SLAMF7: variants seen among roughly 807,000 people sequenced by gnomAD.
The protein encoded by SLAMF7 is SLAM family member 7.
A neutral mutation model predicts 34.1 loss-of-function variants in SLAMF7; 26 were observed. The observed-to-expected ratio is 0.76, with a 90% CI of 0.56 to 1.06. SLAMF7 has a LOEUF of 1.06. Among genes scored for constraint, SLAMF7 ranks in the 50% least tolerant of loss-of-function variants. The pLI, the probability that SLAMF7 is intolerant of heterozygous loss-of-function variation, is 0.00. For missense variants in SLAMF7, 399 were observed against 402.5 expected, an observed-to-expected ratio of 0.99 and a Z score of 0.07; for synonymous variants, 171 against 156.4, an observed-to-expected ratio of 1.09 and a Z score of -0.70.
intron 1 of SLAMF7, among the ~76,000 whole-genome samples, chr1:160,746,242 A>T (rs902662023): frequency 1.3e-5 from 2 of 152,234 alleles, no homozygotes; most frequent in Non-Finnish European, 2.9e-5. Flanking sequence ...TCCAGCCCGG[A>T]TCACATTCAT....
In SLAMF7 at chr1:160,753,305, C is replaced by A; in HGVS notation, c.*128C>A. 1.3e-6 allele frequency: 1 copy of A among 770,468 alleles called. No homozygotes were observed. The highest frequency in any genetic ancestry group is 2.1e-6 in the Non-Finnish European group (1 of 476,336). 47.7% of individuals were successfully genotyped at this position (770,468 alleles called of 1,614,324 possible). A position where few individuals can be genotyped will look rare whatever the true frequency, so the allele number is the denominator to read the frequency against. ...AGAATGAAGAACGTTGACTTTTTTC[C>A]AGGATAAATTATCTCTGATGCTTCT... On this transcript the variant is annotated 3_prime_UTR_variant, in exon 7 of 7. Transcript: ENST00000368043.
Position 160,739,338 on chromosome 1 carries a change from A to G in SLAMF7, c.37A>G (p.Ile13Val), listed in dbSNP as rs369009453. Residue 13 changes from isoleucine (I) to valine (V), a missense_variant, in exon 1 of 7, where the codon ATC becomes GTC. By Grantham distance (29) the Ile-to-Val change is conservative (BLOSUM62 3). Coordinates refer to ENST00000368043, the MANE Select transcript of SLAMF7 (RefSeq NM_021181.5). Reference sequence around the variant, plus strand: ...CCCAACATGCCTCACCCTCATCTATATCCTTTGGCAGCTCACAGGTGAGTC... The same window carrying G: ...CCCAACATGCCTCACCCTCATCTATGTCCTTTGGCAGCTCACAGGTGAGTC... ...GSPTCLTLIY[I>V]LWQLTGSAAS... 1.2e-4 allele frequency: 194 copies of G among 1,613,578 alleles called. No individual in the cohort carries two copies. Among genetic ancestry groups the G allele is most frequent in the Non-Finnish European group, 1.6e-4 (190 of 1,179,786 alleles).
At chr1:160,751,177 A>G (rs1233611349) in intron 4 of SLAMF7, 168 bp from the exon 5 acceptor site, 4 of 604,870 alleles carry the variant, frequency 6.6e-6, no homozygotes, top group Non-Finnish European at 1.2e-5. Flanking sequence ...ATTTGTTTAG[A>G]TTTTCCCAGT....
chr1:160,742,079 C>T (rs529223885), intron 1 of SLAMF7, among the ~76,000 whole-genome samples: 2 of 152,248 alleles, frequency 1.3e-5, no homozygotes, highest in Admixed American at 1.3e-4. Context: ...CCTGCTTTAT[C>T]ACCATCCCTT....
At position 160,748,836 on chromosome 1, in the gene SLAMF7, A is replaced by G. The variant is rs565794235; in HGVS notation, c.376+322A>G. On this transcript the variant is annotated intron_variant, in intron 2 of 6. Transcript: ENST00000368043. ...TTCAAGTCTTAGTTTCCATATCTGT[A>G]GTGGGGAGGAAAGAAATGCCTACCT... Among the ~76,000 whole-genome samples the G allele has an allele frequency of 7.3e-4, 111 of 152,296 alleles. 1 individual carries two copies. Among genetic ancestry groups the G allele is most frequent in the African/African-American group, 2.6e-3 (107 of 41,558 alleles).
intron 6 of SLAMF7, among the ~76,000 whole-genome samples, 193 bp downstream of exon 6, chr1:160,752,441 C>T (rs908775299): frequency 3.3e-5 from 5 of 152,070 alleles, no homozygotes; most frequent in Admixed American, 6.6e-5. Flanking sequence ...TTTTAGGAAT[C>T]GAATTGGGTA....
At chr1:160,750,136 C>T (rs200378079) in intron 3 of SLAMF7, 43 bp downstream of exon 3, 85 of 1,597,636 alleles carry the variant, frequency 5.3e-5, no homozygotes, top group Non-Finnish European at 4.5e-5. Context: ...TGCCCAGGTC[C>T]TACACCTTCT....
At position 160,739,318 on chromosome 1, in the gene SLAMF7, C is replaced by T. The variant is rs780656572; in HGVS notation, c.17C>T (p.Thr6Ile). 119 of 1,613,872 alleles carry T rather than the reference C, an allele frequency of 7.4e-5. No homozygotes were observed. Among genetic ancestry groups the T allele is most frequent in the Non-Finnish European group, 9.7e-5 (115 of 1,179,908 alleles). MAGSP[T>I]CLTLIYILWQ... ...GAGAGCAATATGGCTGGTTCCCCAACATGCCTCACCCTCATCTATATCCTT... is the reference window on the plus strand; with the variant it reads ...GAGAGCAATATGGCTGGTTCCCCAATATGCCTCACCCTCATCTATATCCTT... The change falls in exon 1 of 7, where the codon ACA (threonine) becomes ATA (isoleucine). Residue 6 changes from threonine to isoleucine, a missense_variant. By Grantham distance (89) the Thr-to-Ile change is moderately conservative (BLOSUM62 -1). Coordinates refer to ENST00000368043, the MANE Select transcript of SLAMF7 (RefSeq NM_021181.5).
chr1:160,741,274 C>CA (rs1663722883), intron 1 of SLAMF7, among the ~76,000 whole-genome samples: 1 of 151,920 alleles, frequency 6.6e-6, no homozygotes, highest in Non-Finnish European at 1.5e-5. Flanking sequence ...AAAAAGAAAA[C>CA]AAAAAAGTGG....
chr1:160,744,210 C>G (rs1663962091), intron 1 of SLAMF7, among the ~76,000 whole-genome samples: 1 of 152,122 alleles, frequency 6.6e-6, no homozygotes, highest in Non-Finnish European at 1.5e-5. Flanking sequence ...GGTGCAAAAC[C>G]ATCACAGAAA....
chr1:160,749,803 T>G lies in SLAMF7; in HGVS notation c.377-18T>G. On this transcript the variant is annotated intron_variant, in intron 2 of 6. Coordinates refer to ENST00000368043, the MANE Select transcript of SLAMF7 (RefSeq NM_021181.5). ...CTATAGGCAGAGTTTCCACCTCTGG[T>G]TTTCCTTCCTCTCACAGAGCACCTG... 1 of 1,553,050 alleles carries G rather than the reference T, an allele frequency of 6.4e-7. No homozygotes were observed. Among genetic ancestry groups the G allele is most frequent in the Non-Finnish European group, 8.7e-7 (1 of 1,149,486 alleles).
chr1:160,744,370 T>C (rs1663973218), intron 1 of SLAMF7, among the ~76,000 whole-genome samples: 1 of 152,102 alleles, frequency 6.6e-6, no homozygotes, highest in African/African-American at 2.4e-5. Context: ...GAGAATGGCA[T>C]GGAGCTACTG....
At chr1:160,740,693 G>A (rs527563083) in intron 1 of SLAMF7, among the ~76,000 whole-genome samples, 1 of 152,188 alleles carries the variant, frequency 6.6e-6, no homozygotes, top group Non-Finnish European at 1.5e-5. Flanking sequence ...CAGAATTATT[G>A]TGACATTTTA....
chr1:160,752,139 C>T (rs777612391), intron 5 of SLAMF7, 47 bp from the exon 6 acceptor site: 2 of 1,469,042 alleles, frequency 1.4e-6, no homozygotes, highest in Non-Finnish European at 1.9e-6. Flanking sequence ...CTATGTGATT[C>T]AGGAGGTGGG....
At chr1:160,746,509 A>G (rs1441688802) in intron 1 of SLAMF7, among the ~76,000 whole-genome samples, 1 of 152,228 alleles carries the variant, frequency 6.6e-6, no homozygotes, top group South Asian at 2.1e-4. Context: ...AAGGGGAAAT[A>G]ACTTTGGGTT....
In SLAMF7 at chr1:160,748,429, G is replaced by C; in HGVS notation, c.291G>C (p.Lys97Asn). The stretch of plus-strand genomic sequence containing the variant: ...CCCTGAAGCTCAGCAAACTGAAGAA[G>C]AATGACTCAGGGATCTACTATGTGG... ...GYSLKLSKLKKNDSGIYYVGI... is the reference protein window; with the variant it reads ...GYSLKLSKLKNNDSGIYYVGI... Residue 97 changes from lysine (K) to asparagine (N), a missense_variant, in exon 2 of 7, where the codon AAG (lysine) becomes AAC (asparagine). Coordinates refer to ENST00000368043, the MANE Select transcript of SLAMF7 (RefSeq NM_021181.5). The C allele has an allele frequency of 6.2e-7, 1 of 1,614,074 alleles. No homozygotes were observed. The highest frequency in any genetic ancestry group is 8.5e-7 in the Non-Finnish European group (1 of 1,179,956).
chr1:160,739,542 A>T lies in SLAMF7; in HGVS notation c.55+186A>T, dbSNP rs1014833004. The T allele has an allele frequency of 9.2e-6, 5 of 543,772 alleles. No homozygotes were observed. In the South Asian group the frequency reaches 9.9e-5, roughly 11 times the overall value. The allele number at this position is 543,772 out of a possible 1,614,324, so 33.7% of individuals were successfully genotyped here. A position where few individuals can be genotyped will look rare whatever the true frequency, so the allele number is the denominator to read the frequency against. On this transcript the variant is annotated intron_variant, in intron 1 of 6. Transcript: ENST00000368043. ...GAAGAGACTAGAGAGAGGGGGAAAA[A>T]TGGCTCTGGGAACTGACTCCCCTGT...
At chr1:160,748,110 G>C (rs777480595) in intron 1 of SLAMF7, 84 bp from the exon 2 acceptor site, 1 of 1,410,992 alleles carries the variant, frequency 7.1e-7, no homozygotes, top group Non-Finnish European at 9.6e-7. Context: ...GGGTTTCTCA[G>C]ATCTCTCCAG....
chr1:160,750,231 G>A, intron 3 of SLAMF7, 73 bp from the exon 4 acceptor site: 1 of 1,587,522 alleles, frequency 6.3e-7, no homozygotes, highest in Non-Finnish European at 8.6e-7. Context: ...AAGGTGGCAG[G>A]TGCTCCAAGA....
Sources: allele counts gnomAD v4.1 joint callset (sites outside exome capture counted in the v4.1 genomes callset), GRCh38; gene constraint gnomAD v4.1.1; transcripts MANE v1.5; gene names NCBI Gene and HGNC (gene_info 2026-07-23, HGNC 2026-07-21).